Variants in XKR6 observed in about 807,000 individuals in gnomAD.
XKR6 encodes XK-related protein 6.
In XKR6, 22 loss-of-function variants were observed where a neutral mutation model predicts 56.7. That is an observed-to-expected ratio of 0.39 (90% CI 0.28 to 0.55). XKR6 has a LOEUF of 0.55. Among genes scored for constraint, XKR6 ranks in the 20% least tolerant of loss-of-function variants. The probability of loss-of-function intolerance (pLI) is 0.66; values close to 1 mark genes in which losing one functional copy is unlikely to be tolerated. For missense variants in XKR6, 852 were observed against 889.0 expected (o/e 0.96, Z 0.53); for synonymous variants, 524 against 387.8 (o/e 1.35, Z -4.13).
At chr8:11,076,074 A>C (rs1800266291) in intron 1 of XKR6, among the ~76,000 whole-genome samples, 2 of 152,306 alleles carry the variant, frequency 1.3e-5, no homozygotes, top group South Asian at 4.1e-4. Context: ...ACACTACAAC[A>C]CGGGCGAACC....
intron 1 of XKR6, among the ~76,000 whole-genome samples, chr8:11,070,775 G>T (rs924672827): frequency 5.3e-5 from 8 of 152,216 alleles, no homozygotes; most frequent in Non-Finnish European, 1.0e-4. Context: ...CTAATTTAGA[G>T]ATCGTGAATC....
At chr8:11,079,144 C>T (rs990440641) in intron 1 of XKR6, among the ~76,000 whole-genome samples, 7 of 152,344 alleles carry the variant, frequency 4.6e-5, no homozygotes, top group Middle Eastern at 3.4e-3. Flanking sequence ...GGAGGAAACA[C>T]CTCCTTCTTC....
chr8:11,148,236 A>C (rs1801091468), intron 1 of XKR6, among the ~76,000 whole-genome samples: 1 of 152,132 alleles, frequency 6.6e-6, no homozygotes, highest in Non-Finnish European at 1.5e-5. Flanking sequence ...ACAAACAAAA[A>C]AAAACTAAAA....
intron 1 of XKR6, among the ~76,000 whole-genome samples, chr8:11,144,354 A>G (rs1384106875): frequency 6.6e-6 from 1 of 150,826 alleles, no homozygotes; most frequent in Non-Finnish European, 1.5e-5. Flanking sequence ...GACAGAAGTG[A>G]GAAGTGATGA....
intron 1 of XKR6, among the ~76,000 whole-genome samples, chr8:10,978,736 C>G (rs1797654315): frequency 1.3e-5 from 2 of 152,240 alleles, no homozygotes; most frequent in Admixed American, 1.3e-4. Flanking sequence ...CTGCTTCAGC[C>G]ATAGACCCCA....
At chr8:10,978,012 T>C (rs1333901428) in intron 1 of XKR6, among the ~76,000 whole-genome samples, 1 of 152,092 alleles carries the variant, frequency 6.6e-6, no homozygotes, top group Non-Finnish European at 1.5e-5. Flanking sequence ...TTGATTAACA[T>C]TATAAACCTA....
chr8:11,006,123 C>T (rs939650888), intron 1 of XKR6, among the ~76,000 whole-genome samples: 9 of 151,894 alleles, frequency 5.9e-5, no homozygotes, highest in Admixed American at 2.0e-4. Context: ...CGATTACAGG[C>T]GTGAACCACT....
At chr8:11,069,629 C>T (rs965797731) in intron 1 of XKR6, among the ~76,000 whole-genome samples, 6 of 152,136 alleles carry the variant, frequency 3.9e-5, no homozygotes, top group African/African-American at 1.4e-4. Flanking sequence ...TGCCATCAGC[C>T]CACTGACATT....
At chr8:10,925,614 G>A (rs1800857045) in intron 1 of XKR6, among the ~76,000 whole-genome samples, 1 of 152,230 alleles carries the variant, frequency 6.6e-6, no homozygotes, top group Non-Finnish European at 1.5e-5. Flanking sequence ...AGGGGGAAGA[G>A]CAAGGTTCAC....
chr8:11,187,223 T>A (rs1303550117), intron 1 of XKR6, among the ~76,000 whole-genome samples: 1 of 152,168 alleles, frequency 6.6e-6, no homozygotes, highest in Non-Finnish European at 1.5e-5. Flanking sequence ...ATGGCTAGGT[T>A]TTGGAGGCAG....
intron 2 of XKR6, among the ~76,000 whole-genome samples, chr8:10,917,814 G>C (rs940879870): frequency 6.6e-6 from 1 of 152,180 alleles, no homozygotes; most frequent in Non-Finnish European, 1.5e-5. Flanking sequence ...CCGTCACCTT[G>C]GACTAGTCCC....
chr8:11,008,149 C>T (rs968251044), intron 1 of XKR6, among the ~76,000 whole-genome samples: 11 of 152,214 alleles, frequency 7.2e-5, no homozygotes, highest in Admixed American at 7.2e-4. Context: ...GATGCCCTGT[C>T]CTGCTCAAAT....
intron 1 of XKR6, among the ~76,000 whole-genome samples, chr8:11,181,275 T>A (rs935625806): frequency 2.0e-5 from 3 of 152,246 alleles, no homozygotes; most frequent in Non-Finnish European, 4.4e-5. Context: ...TGTATGATAT[T>A]TCATAATGAA....
At position 11,010,895 on chromosome 8, in the gene XKR6, G is replaced by A. The variant is rs138076044; in HGVS notation, c.765-86065C>T. 5.1e-3 allele frequency among the ~76,000 whole-genome samples: 771 copies of A among 152,198 alleles called. 15 individuals carry two copies. Among genetic ancestry groups the A allele is most frequent in the East Asian group, 0.011 (58 of 5,172 alleles). On this transcript the variant is annotated intron_variant, in intron 1 of 2. Coordinates refer to ENST00000416569, the MANE Select transcript of XKR6 (RefSeq NM_173683.4). ...AGTGGGGCTGAAGACTGGCTTGAGTGATGTGTCTCCTTTTCACTCATGTGA... is the reference window on the plus strand; with the variant it reads ...AGTGGGGCTGAAGACTGGCTTGAGTAATGTGTCTCCTTTTCACTCATGTGA...
chr8:11,112,405 T>A (rs916725468), intron 1 of XKR6, among the ~76,000 whole-genome samples: 12 of 152,122 alleles, frequency 7.9e-5, no homozygotes, highest in Admixed American at 6.6e-4. Context: ...GAGGTAGGCC[T>A]TTTTTGAAAA....
intron 1 of XKR6, among the ~76,000 whole-genome samples, chr8:10,993,076 A>T (rs933519259): frequency 2.6e-5 from 4 of 152,248 alleles, no homozygotes; most frequent in African/African-American, 9.6e-5. Flanking sequence ...AAAAGTGTAT[A>T]TGTGTGTGTA....
At chr8:11,172,820 C>G (rs1802446397) in intron 1 of XKR6, among the ~76,000 whole-genome samples, 1 of 152,152 alleles carries the variant, frequency 6.6e-6, no homozygotes. Context: ...CAAAGAAAAA[C>G]ACCAAGAATA....
At chr8:11,073,865 T>C (rs1800197293) in intron 1 of XKR6, among the ~76,000 whole-genome samples, 1 of 152,126 alleles carries the variant, frequency 6.6e-6, no homozygotes, top group Non-Finnish European at 1.5e-5. Flanking sequence ...CTATTCAATC[T>C]GGGCAGGTGA....
chr8:11,187,931 G>C (rs1382681873), intron 1 of XKR6, among the ~76,000 whole-genome samples: 3 of 152,208 alleles, frequency 2.0e-5, no homozygotes, highest in Non-Finnish European at 2.9e-5. Flanking sequence ...TCAAGGAAGA[G>C]TTAAGCCTCC....
Sources: gnomAD v4.1 joint callset for allele counts (sites outside exome capture counted in the v4.1 genomes callset) on GRCh38, gnomAD v4.1.1 for gene constraint, MANE v1.5 for transcripts, NCBI Gene and HGNC (gene_info 2026-07-23, HGNC 2026-07-21) for gene names.